Variants in CFAP20DC observed in about 807,000 individuals in gnomAD.
CFAP20DC encodes CFAP20 domain containing.
A neutral mutation model predicts 101.7 loss-of-function variants in CFAP20DC; 84 were observed. The ratio of observed to expected loss-of-function variants is 0.83; its 90% CI spans 0.69 to 0.99. The LOEUF is 0.99. CFAP20DC is among the 50% of genes least tolerant of loss of function. The pLI, the probability that CFAP20DC is intolerant of heterozygous loss-of-function variation, is 0.00. For synonymous variants in CFAP20DC, 359 were observed against 351.2 expected, an observed-to-expected ratio of 1.02 and a Z score of -0.25; for missense variants, 1,007 against 970.3, an observed-to-expected ratio of 1.04 and a Z score of -0.50.
At chr3:58,758,532 C>CTTATTTAT (rs61227170) in intron 15 of CFAP20DC, among the ~76,000 whole-genome samples, 35 of 151,732 alleles carry the variant, frequency 2.3e-4, no homozygotes, top group African/African-American at 8.5e-4. Context: ...GACTATAATC[C>CTTATTTAT]TTATTTATTT....
intron 13 of CFAP20DC, among the ~76,000 whole-genome samples, chr3:58,839,976 T>A (rs1170943473): frequency 6.6e-6 from 1 of 152,180 alleles, no homozygotes; most frequent in Non-Finnish European, 1.5e-5. Flanking sequence ...CATTAAACAC[T>A]GGATACAAAG....
At chr3:58,873,408 AG>A (rs2080425796) in intron 7 of CFAP20DC, among the ~76,000 whole-genome samples, 2 of 148,964 alleles carry the variant, frequency 1.3e-5, no homozygotes, top group Admixed American at 1.3e-4. Flanking sequence ...GCTGTCAGGC[AG>A]GTGCTCAAGC....
intron 16 of CFAP20DC, among the ~76,000 whole-genome samples, chr3:58,744,908 G>A (rs1389917355): frequency 6.6e-6 from 1 of 152,136 alleles, no homozygotes; most frequent in African/African-American, 2.4e-5. Context: ...TAGAACAGGG[G>A]ACCAGATCCA....
rs2082973381 is a variant in CFAP20DC at position 58,899,633 on chromosome 3, C to T, written c.550+14075G>A. On this transcript the variant is annotated intron_variant, in intron 6 of 16. Transcript: ENST00000482387. This position sits in a 1 kb window ranked among gnomAD's most constrained non-coding sequence, Gnocchi z 5.0. ...GTGGCATGCGCTTATGAGGGGATCTCCTAATCTGCTGGTTGCAAAGATCCG... is the reference window on the plus strand; with the variant it reads ...GTGGCATGCGCTTATGAGGGGATCTTCTAATCTGCTGGTTGCAAAGATCCG... Among the ~76,000 whole-genome samples, 1 of 152,126 alleles carries T rather than the reference C, an allele frequency of 6.6e-6. No individual in the cohort carries two copies.
In CFAP20DC at chr3:58,994,030, C is replaced by T. The variant is rs139160566; in HGVS notation, c.278+45527G>A. On this transcript the variant is annotated intron_variant, in intron 4 of 16. Transcript: ENST00000482387. Reference sequence around the variant, plus strand: ...GACACTGTCTTCCACAATGGTTGAACTAACTTACACCAACTTCATGGTGAA... The same window carrying T: ...GACACTGTCTTCCACAATGGTTGAATTAACTTACACCAACTTCATGGTGAA... Among the ~76,000 whole-genome samples, 596 of 152,264 alleles carry T rather than the reference C, an allele frequency of 3.9e-3. 3 individuals are homozygous for T. The highest frequency in any genetic ancestry group is 6.3e-3 in the Non-Finnish European group (427 of 68,018).
At chr3:58,851,695 A>T (rs1253694167) in intron 12 of CFAP20DC, among the ~76,000 whole-genome samples, 1 of 152,174 alleles carries the variant, frequency 6.6e-6, no homozygotes, top group Non-Finnish European at 1.5e-5. Context: ...GAAACTGAGG[A>T]TCCTGGGAAT....
At chr3:58,938,359 A>G (rs1297023102) in intron 4 of CFAP20DC, among the ~76,000 whole-genome samples, 1 of 152,192 alleles carries the variant, frequency 6.6e-6, no homozygotes, top group Non-Finnish European at 1.5e-5. Context: ...ATAGATTTAG[A>G]CCACAGCCAT....
intron 4 of CFAP20DC, among the ~76,000 whole-genome samples, chr3:58,950,311 A>G (rs2089947899): frequency 6.6e-6 from 1 of 152,236 alleles, no homozygotes; most frequent in African/African-American, 2.4e-5. Context: ...GGAAGAATCA[A>G]TATTGTGAAA....
At chr3:58,917,170 AAGG>A (rs2084823494) in intron 5 of CFAP20DC, among the ~76,000 whole-genome samples, 1 of 152,116 alleles carries the variant, frequency 6.6e-6, no homozygotes, top group African/African-American at 2.4e-5. Context: ...TTCCAGCATA[AAGG>A]AGTTGGCTGG....
Position 59,020,495 on chromosome 3 carries a change from T to C in CFAP20DC, c.278+19062A>G, listed in dbSNP as rs116595062. 4.9e-3 allele frequency among the ~76,000 whole-genome samples: 744 copies of C among 152,228 alleles called. 3 individuals carry two copies. The highest frequency in any genetic ancestry group is 0.017 in the African/African-American group (707 of 41,556). Reference sequence around the variant, plus strand: ...TTTGTTAAGTTAATAAATTGTGTAATAGTGGTAATATCCACTTTTAACAGT... The same window carrying C: ...TTTGTTAAGTTAATAAATTGTGTAACAGTGGTAATATCCACTTTTAACAGT... On this transcript the variant is annotated intron_variant, in intron 4 of 16. Coordinates refer to ENST00000482387, the MANE Select transcript of CFAP20DC (RefSeq NM_001394063.1).
At chr3:59,032,446 T>G (rs760531041) in intron 4 of CFAP20DC, among the ~76,000 whole-genome samples, 34 of 152,150 alleles carry the variant, frequency 2.2e-4, no homozygotes, top group Non-Finnish European at 4.4e-4. Flanking sequence ...TAAGATCCAC[T>G]GGCTTGAAAT....
intron 6 of CFAP20DC, among the ~76,000 whole-genome samples, chr3:58,910,183 C>CT (rs1050974237): frequency 9.2e-5 from 14 of 152,030 alleles, no homozygotes; most frequent in Non-Finnish European, 1.6e-4. Context: ...TAAGACTTTA[C>CT]TTTTTTGGAG....
At chr3:59,043,538 C>T (rs962198875) in intron 3 of CFAP20DC, among the ~76,000 whole-genome samples, 2 of 151,532 alleles carry the variant, frequency 1.3e-5, no homozygotes, top group African/African-American at 4.8e-5. Flanking sequence ...CCTGGGGAAA[C>T]CTCATAAAGG....
intron 6 of CFAP20DC, among the ~76,000 whole-genome samples, chr3:58,911,588 T>C (rs1032423901): frequency 6.6e-6 from 1 of 152,158 alleles, no homozygotes; most frequent in African/African-American, 2.4e-5. Flanking sequence ...TGTTTCTATA[T>C]GTATATAAAA....
At chr3:59,020,531 T>C (rs1248285040) in intron 4 of CFAP20DC, among the ~76,000 whole-genome samples, 18 of 147,008 alleles carry the variant, frequency 1.2e-4, no homozygotes, top group African/African-American at 4.7e-4. Context: ...GCTGTGATAA[T>C]TGCATGAAAT....
rs546196922 is a variant in CFAP20DC, at chr3:58,885,606, C to T, written c.551-897G>A. On this transcript the variant is annotated intron_variant, in intron 6 of 16. Coordinates refer to ENST00000482387, the MANE Select transcript of CFAP20DC (RefSeq NM_001394063.1). Reference sequence around the variant, plus strand: ...TATTCTTTAATACATCTTTCCCTACCCCTCCCTTCCCCCTACCATTTCCAG... The same window carrying T: ...TATTCTTTAATACATCTTTCCCTACTCCTCCCTTCCCCCTACCATTTCCAG... Among the ~76,000 whole-genome samples the T allele has an allele frequency of 7.3e-5, 11 of 150,250 alleles. No homozygotes were observed. In the South Asian group the frequency reaches 2.4e-3, roughly 32 times the overall value.
At chr3:58,896,405 T>A (rs1401658641) in intron 6 of CFAP20DC, among the ~76,000 whole-genome samples, 1 of 152,186 alleles carries the variant, frequency 6.6e-6, no homozygotes, top group Non-Finnish European at 1.5e-5. Flanking sequence ...CTGATCTTGG[T>A]TATTTCTTGT....
chr3:58,938,361 C>G (rs895183892), intron 4 of CFAP20DC, among the ~76,000 whole-genome samples: 5 of 152,090 alleles, frequency 3.3e-5, no homozygotes, highest in Non-Finnish European at 4.4e-5. Flanking sequence ...AGATTTAGAC[C>G]ACAGCCATGA....
intron 15 of CFAP20DC, among the ~76,000 whole-genome samples, chr3:58,804,363 T>TC (rs1368240838): frequency 3.3e-5 from 5 of 150,928 alleles, no homozygotes; most frequent in Admixed American, 6.6e-5. Context: ...ACAAATTAGT[T>TC]CTTTTTTTTT....
Sources: gnomAD v4.1 joint callset for allele counts (sites outside exome capture counted in the v4.1 genomes callset) on GRCh38, gnomAD v4.1.1 for gene constraint, Gnocchi (gnomAD v3.1) non-coding constraint, MANE v1.5 for transcripts, NCBI Gene and HGNC (gene_info 2026-07-23, HGNC 2026-07-21) for gene names.